SCOC: variants seen among roughly 807,000 people sequenced by gnomAD.
SCOC encodes short coiled coil protein.
Under a neutral mutation model 9.9 loss-of-function variants are expected in SCOC, and 7 were observed. The observed-to-expected ratio is 0.71, with a 90% CI of 0.40 to 1.33. The LOEUF is 1.33. SCOC is among the 40% of genes most tolerant of loss of function. The pLI, the probability that SCOC is intolerant of heterozygous loss-of-function variation, is 0.01. For missense variants in SCOC, 66 were observed against 89.7 expected (o/e 0.74, Z 1.07); for synonymous variants, 19 against 28.2 (o/e 0.67, Z 1.03).
chr4:140,351,756 G>A (rs1726988707), intron 2 of SCOC, among the ~76,000 whole-genome samples: 1 of 151,972 alleles, frequency 6.6e-6, no homozygotes, highest in African/African-American at 2.4e-5. Context: ...CCCTGCATTA[G>A]TTAGCACTCT....
intron 2 of SCOC, among the ~76,000 whole-genome samples, chr4:140,354,743 G>C (rs1247017683): frequency 6.6e-6 from 1 of 151,694 alleles, no homozygotes; most frequent in Non-Finnish European, 1.5e-5. Flanking sequence ...TTTGAGGGAG[G>C]AAGATTAATG....
At chr4:140,352,216 T>C (rs952264907) in intron 2 of SCOC, among the ~76,000 whole-genome samples, 3 of 152,014 alleles carry the variant, frequency 2.0e-5, no homozygotes, top group East Asian at 1.9e-4. Flanking sequence ...CTTAAGGGTA[T>C]TGAAAAAGAT....
At chr4:140,332,932 A>G (rs4956342) in intron 1 of SCOC, among the ~76,000 whole-genome samples, 87,231 of 151,980 alleles carry the variant, frequency 0.57, 27,013 homozygotes, top group Non-Finnish European at 0.71. Flanking sequence ...TCATCCTGCT[A>G]TAACCAGAAG....
Position 140,299,079 on chromosome 4 carries a change from A to C in SCOC, c.-19+41669A>C, listed in dbSNP as rs1389821315. Reference sequence around the variant, plus strand: ...GCAATCCTCTCACCTCAGCCTCCCAAAGCTCTGGGATTACAGGCATGAGCC... The same window carrying C: ...GCAATCCTCTCACCTCAGCCTCCCACAGCTCTGGGATTACAGGCATGAGCC... On this transcript the variant is annotated intron_variant, in intron 1 of 4. Coordinates refer to the SCOC transcript ENST00000394205. Among the ~76,000 whole-genome samples, 3 of 152,234 alleles carry C rather than the reference A, an allele frequency of 2.0e-5. No individual in the cohort carries two copies. The East Asian group carries it at 5.8e-4, about 29-fold the overall frequency.
At chr4:140,334,867 C>T (rs6819587) in intron 1 of SCOC, among the ~76,000 whole-genome samples, 29,903 of 151,922 alleles carry the variant, frequency 0.2, 3,823 homozygotes, top group African/African-American at 0.36. Context: ...TTTGAGAGGC[C>T]GAAGTGGCTG....
chr4:140,335,552 A>G (rs1257406299), intron 1 of SCOC, among the ~76,000 whole-genome samples: 1 of 152,130 alleles, frequency 6.6e-6, no homozygotes, highest in Non-Finnish European at 1.5e-5. Context: ...ATTACTCCCA[A>G]AGAAAGAGAA....
intron 2 of SCOC, among the ~76,000 whole-genome samples, chr4:140,352,492 C>A (rs1237608368): frequency 6.6e-6 from 1 of 152,160 alleles, no homozygotes; most frequent in Non-Finnish European, 1.5e-5. Flanking sequence ...ATTAACTCTG[C>A]TTCTCAGCAG....
chr4:140,308,080 G>C (rs1732043440), intron 1 of SCOC, among the ~76,000 whole-genome samples: 1 of 152,194 alleles, frequency 6.6e-6, no homozygotes, highest in African/African-American at 2.4e-5. Flanking sequence ...TGTGCAGGCA[G>C]ATCATTGCTT....
intron 1 of SCOC, among the ~76,000 whole-genome samples, chr4:140,267,159 C>A (rs1730746939): frequency 6.6e-6 from 1 of 152,178 alleles, no homozygotes; most frequent in Non-Finnish European, 1.5e-5. Context: ...AAGATCAAGT[C>A]AAATCGGTAA....
chr4:140,287,992 A>T (rs1731347263), intron 1 of SCOC, among the ~76,000 whole-genome samples: 1 of 151,998 alleles, frequency 6.6e-6, no homozygotes, highest in Non-Finnish European at 1.5e-5. Context: ...AACACATACT[A>T]CATGCACCAC....
chr4:140,379,057 T>G, intron 1 of SCOC, 64 bp from the exon 2 acceptor site: 1 of 1,007,740 alleles, frequency 9.9e-7, no homozygotes, highest in Non-Finnish European at 1.6e-6. Context: ...TCATCCTCCT[T>G]TGAAAAACAG....
chr4:140,268,179 T>G (rs7681485), intron 1 of SCOC, among the ~76,000 whole-genome samples: 9,994 of 152,236 alleles, frequency 0.066, 862 homozygotes, highest in African/African-American at 0.2. Flanking sequence ...CCTCTCAGTT[T>G]AGAAATAACC....
chr4:140,338,403 C>T (rs1383090222), intron 1 of SCOC, among the ~76,000 whole-genome samples: 1 of 152,204 alleles, frequency 6.6e-6, no homozygotes, highest in African/African-American at 2.4e-5. Flanking sequence ...CAGGGATGCC[C>T]TCTGTCACCA....
upstream of SCOC, among the ~76,000 whole-genome samples, chr4:140,341,020 A>G (rs1232988142): frequency 6.7e-6 from 1 of 150,292 alleles, no homozygotes; most frequent in Non-Finnish European, 1.5e-5. Context: ...CTGGTCTCGA[A>G]CTCCTGACCT....
intron 1 of SCOC, among the ~76,000 whole-genome samples, chr4:140,330,148 G>A (rs573210502): frequency 6.6e-6 from 1 of 152,266 alleles, no homozygotes; most frequent in Admixed American, 6.5e-5. Flanking sequence ...GGCATTTGCA[G>A]CAACCTGTAT....
At chr4:140,365,612 C>A (rs1226746840) in intron 2 of SCOC, among the ~76,000 whole-genome samples, 1 of 152,172 alleles carries the variant, frequency 6.6e-6, no homozygotes. Flanking sequence ...CCCTTTTTCT[C>A]CTCCATCTCT....
At chr4:140,368,596 G>A (rs1206738190) in intron 2 of SCOC, among the ~76,000 whole-genome samples, 1 of 152,170 alleles carries the variant, frequency 6.6e-6, no homozygotes, top group African/African-American at 2.4e-5. Context: ...CAGAATCACA[G>A]AAACAGTCTC....
In SCOC at chr4:140,326,239, G is replaced by A. The variant is rs114434632; in HGVS notation, c.-18-17382G>A. On this transcript the variant is annotated intron_variant, in intron 1 of 4. Coordinates refer to the SCOC transcript ENST00000394205. ...GAAGTAATTTTTAGCATGATGAAACGGTTCTATACATTACTTGGGCAGGTG... is the reference window on the plus strand; with the variant it reads ...GAAGTAATTTTTAGCATGATGAAACAGTTCTATACATTACTTGGGCAGGTG... Among the ~76,000 whole-genome samples the A allele has an allele frequency of 8.2e-3, 1,246 of 152,132 alleles. 7 individuals are homozygous for A. The highest frequency in any genetic ancestry group is 0.013 in the Non-Finnish European group (872 of 67,998).
At chr4:140,369,841 C>T (rs904833251), upstream of SCOC, among the ~76,000 whole-genome samples, 2 of 134,548 alleles carry the variant, frequency 1.5e-5, no homozygotes, top group Admixed American at 7.6e-5. Context: ...ATAGCCTTTC[C>T]TTATTCAGAA....
Sources: gnomAD v4.1 joint callset for allele counts (sites outside exome capture counted in the v4.1 genomes callset) on GRCh38, gnomAD v4.1.1 for gene constraint, MANE v1.5 for transcripts, NCBI Gene and HGNC (gene_info 2026-07-23, HGNC 2026-07-21) for gene names.